Variants in LHFPL6 observed in about 807,000 individuals in gnomAD.
The protein encoded by LHFPL6 is LHFPL tetraspan subfamily member 6.
In LHFPL6, 9 loss-of-function variants were observed where a neutral mutation model predicts 20.6. The ratio of observed to expected loss-of-function variants is 0.44; its 90% CI spans 0.26 to 0.76. LHFPL6 has a LOEUF of 0.76. Ranked by LOEUF, LHFPL6 falls within the 30% of genes least tolerant of loss-of-function variation. The pLI, the probability that LHFPL6 is intolerant of heterozygous loss-of-function variation, is 0.20. For missense variants in LHFPL6, 218 were observed against 253.5 expected, an observed-to-expected ratio of 0.86 and a Z score of 0.95; for synonymous variants, 105 against 98.7, an observed-to-expected ratio of 1.06 and a Z score of -0.38.
intron 2 of LHFPL6, among the ~76,000 whole-genome samples, chr13:39,533,713 C>A (rs1036696977): frequency 6.6e-6 from 1 of 152,194 alleles, no homozygotes; most frequent in South Asian, 2.1e-4. Context: ...GACTCATCTA[C>A]CCTATTTCTA....
At chr13:39,381,001 T>C (rs145775385) in intron 2 of LHFPL6, among the ~76,000 whole-genome samples, 3 of 152,272 alleles carry the variant, frequency 2.0e-5, no homozygotes, top group Admixed American at 6.5e-5. Flanking sequence ...TTTCATTATA[T>C]AATCACAGTG....
At chr13:39,554,499 C>A (rs1226290472) in intron 2 of LHFPL6, among the ~76,000 whole-genome samples, 1 of 152,216 alleles carries the variant, frequency 6.6e-6, no homozygotes, top group African/African-American at 2.4e-5. Context: ...GCATGGAATT[C>A]AAGATGTTTC....
At chr13:39,581,354 C>T (rs1401221120) in intron 2 of LHFPL6, among the ~76,000 whole-genome samples, 1 of 152,076 alleles carries the variant, frequency 6.6e-6, no homozygotes, top group African/African-American at 2.4e-5. Context: ...GAAGAGCTCA[C>T]CGCTGTGTAA....
intron 3 of LHFPL6, among the ~76,000 whole-genome samples, chr13:39,354,915 G>A (rs1869684958): frequency 6.6e-6 from 1 of 151,590 alleles, no homozygotes; most frequent in Non-Finnish European, 1.5e-5. Context: ...ATGGAAAGAG[G>A]CCACACCTAC....
chr13:39,376,372 T>C (rs751985776), intron 3 of LHFPL6, among the ~76,000 whole-genome samples: 112 of 152,296 alleles, frequency 7.4e-4, no homozygotes, highest in Non-Finnish European at 1.2e-3. Context: ...CTTCTCTACA[T>C]TTATGGCAAA....
intron 2 of LHFPL6, among the ~76,000 whole-genome samples, chr13:39,506,413 A>C (rs944298797): frequency 5.3e-5 from 8 of 152,198 alleles, no homozygotes; most frequent in Admixed American, 3.3e-4. Flanking sequence ...GATAGTAAAC[A>C]TTTGTCAAAG....
Position 39,349,056 on chromosome 13 carries a change from G to A in LHFPL6, c.485-5002C>T, listed in dbSNP as rs564768589. Among the ~76,000 whole-genome samples, 7 of 152,292 alleles carry A rather than the reference G, an allele frequency of 4.6e-5. No individual in the cohort carries two copies. In the South Asian group the frequency reaches 1.4e-3, roughly 32 times the overall value. On this transcript the variant is annotated intron_variant, in intron 3 of 3. Transcript: ENST00000379589. ...CAATCAGACATATATGCAAGTTTGT[G>A]TGTATGATTTACAAAATTTGGGATT... is the stretch of plus-strand genomic sequence containing the variant.
At chr13:39,585,695 C>T (rs77759364) in intron 2 of LHFPL6, among the ~76,000 whole-genome samples, 1,861 of 152,124 alleles carry the variant, frequency 0.012, 27 homozygotes, top group African/African-American at 0.043. Flanking sequence ...ACCTCACTTC[C>T]GTTTCTGTCT....
chr13:39,493,558 A>G (rs1048980682), intron 2 of LHFPL6, among the ~76,000 whole-genome samples: 33 of 152,224 alleles, frequency 2.2e-4, no homozygotes, highest in African/African-American at 7.5e-4. Flanking sequence ...TAGGATAATC[A>G]CCACTTTTTA....
At chr13:39,582,410 G>A (rs1230406265) in intron 2 of LHFPL6, among the ~76,000 whole-genome samples, 1 of 152,138 alleles carries the variant, frequency 6.6e-6, no homozygotes, top group Non-Finnish European at 1.5e-5. Flanking sequence ...GGTATTTGGA[G>A]GGTAAGGCCA....
chr13:39,407,811 C>T (rs143843116), intron 2 of LHFPL6, among the ~76,000 whole-genome samples: 1 of 152,266 alleles, frequency 6.6e-6, no homozygotes, highest in African/African-American at 2.4e-5. Context: ...TCTTCAAGAA[C>T]CACGTTATAA....
At chr13:39,355,182 T>C (rs1869691489) in intron 3 of LHFPL6, among the ~76,000 whole-genome samples, 1 of 151,572 alleles carries the variant, frequency 6.6e-6, no homozygotes, top group South Asian at 2.1e-4. Context: ...CTCATCAGGC[T>C]AACAGCAGAT....
intron 2 of LHFPL6, among the ~76,000 whole-genome samples, chr13:39,415,615 TC>T (rs749024009): frequency 1.1e-4 from 17 of 152,140 alleles, no homozygotes; most frequent in Non-Finnish European, 2.1e-4. Context: ...CAGACTGAAC[TC>T]CAGGGGGCAG....
intron 2 of LHFPL6, among the ~76,000 whole-genome samples, chr13:39,446,720 C>T (rs116788947): frequency 3.0e-4 from 45 of 152,168 alleles, no homozygotes; most frequent in East Asian, 1.2e-3. Context: ...GTGGCAAAGC[C>T]GGTATTTTCA....
intron 2 of LHFPL6, among the ~76,000 whole-genome samples, chr13:39,429,473 A>G (rs1871730894): frequency 6.6e-6 from 1 of 151,852 alleles, no homozygotes; most frequent in South Asian, 2.1e-4. Context: ...CCATCCTTCT[A>G]TTTTTACCCT....
chr13:39,501,571 C>G (rs1461067936), intron 2 of LHFPL6, among the ~76,000 whole-genome samples: 1 of 152,090 alleles, frequency 6.6e-6, no homozygotes, highest in Non-Finnish European at 1.5e-5. Context: ...TCCCCCCAGG[C>G]TCTATCTATG....
intron 2 of LHFPL6, among the ~76,000 whole-genome samples, chr13:39,590,742 G>T (rs1444917627): frequency 6.6e-6 from 1 of 152,156 alleles, no homozygotes; most frequent in Non-Finnish European, 1.5e-5. Context: ...ATGATGTAAA[G>T]ATCTCTTGAG....
chr13:39,410,502 A>AACACATACTTCAAATATCATTTCAGAG (rs1871220381), intron 2 of LHFPL6, among the ~76,000 whole-genome samples: 1 of 152,202 alleles, frequency 6.6e-6, no homozygotes, highest in African/African-American at 2.4e-5. Flanking sequence ...CTAGGATCTA[A>AACACATACTTCAAATATCATTTCAGAG]ACACATACTT....
chr13:39,477,554 G>C (rs1318644184), intron 2 of LHFPL6, among the ~76,000 whole-genome samples: 1 of 152,164 alleles, frequency 6.6e-6, no homozygotes, highest in Non-Finnish European at 1.5e-5. Context: ...TTTAGATACT[G>C]TCAAGGAGAA....
Sources: allele counts gnomAD v4.1 joint callset (sites outside exome capture counted in the v4.1 genomes callset), GRCh38; gene constraint gnomAD v4.1.1; transcripts MANE v1.5; gene names NCBI Gene and HGNC (gene_info 2026-07-23, HGNC 2026-07-21).